Variants in MAN1A1 observed in about 807,000 individuals in gnomAD.
MAN1A1 encodes the protein mannosidase alpha class 1A member 1, also known as mannosyl-oligosaccharide 1,2-alpha-mannosidase IA.
MAN1A1 carries 29 observed loss-of-function variants against 70.8 expected under a neutral mutation model. The ratio of observed to expected loss-of-function variants is 0.41; its 90% CI spans 0.31 to 0.56. The LOEUF (loss-of-function observed/expected upper bound fraction) is 0.56. MAN1A1 is among the 20% of genes least tolerant of loss of function. The pLI is 0.29. For synonymous variants in MAN1A1, 349 were observed against 330.1 expected (o/e 1.06, Z -0.62); for missense variants, 747 against 841.3 (o/e 0.89, Z 1.39).
chr6:119,222,792 G>A (rs964311485), intron 6 of MAN1A1, among the ~76,000 whole-genome samples: 1 of 152,230 alleles, frequency 6.6e-6, no homozygotes, highest in African/African-American at 2.4e-5. Context: ...ATCCTGGGCA[G>A]TGTTTGGGAG....
At chr6:119,233,731 A>ACACCCATCTT (rs1173861536) in intron 6 of MAN1A1, among the ~76,000 whole-genome samples, 5 of 152,232 alleles carry the variant, frequency 3.3e-5, no homozygotes, top group Non-Finnish European at 7.3e-5. Context: ...CTTCTGTGAA[A>ACACCCATCTT]GGTGACACAC....
At chr6:119,309,200 A>T (rs759341887) in intron 2 of MAN1A1, among the ~76,000 whole-genome samples, 1 of 152,230 alleles carries the variant, frequency 6.6e-6, no homozygotes, top group South Asian at 2.1e-4. Context: ...CCACCAGCTG[A>T]TCACTTCTGG....
chr6:119,216,381 C>T (rs1245696216), intron 6 of MAN1A1, among the ~76,000 whole-genome samples: 1 of 152,124 alleles, frequency 6.6e-6, no homozygotes, highest in East Asian at 1.9e-4. Context: ...CGTGGAGGAA[C>T]TGGAGCGATG....
intron 5 of MAN1A1, among the ~76,000 whole-genome samples, chr6:119,263,035 C>A (rs1038205632): frequency 2.6e-5 from 4 of 152,084 alleles, no homozygotes; most frequent in African/African-American, 7.2e-5. Context: ...AGCCTCCCAG[C>A]CTACATCTTT....
chr6:119,257,940 T>C (rs1775505425), intron 5 of MAN1A1, among the ~76,000 whole-genome samples: 1 of 152,168 alleles, frequency 6.6e-6, no homozygotes, highest in South Asian at 2.1e-4. Context: ...CAACATGACA[T>C]TTAGAAAAAT....
At chr6:119,248,830 G>A (rs951059216) in intron 5 of MAN1A1, among the ~76,000 whole-genome samples, 1 of 152,146 alleles carries the variant, frequency 6.6e-6, no homozygotes, top group African/African-American at 2.4e-5. Flanking sequence ...GTTTGAAAAA[G>A]ACATTATCAC....
chr6:119,349,637 G>T lies in MAN1A1; in HGVS notation c.-318C>A, dbSNP rs995769752. 8 of 985,918 alleles carry T rather than the reference G, an allele frequency of 8.1e-6. No homozygotes were observed. In the South Asian group the frequency reaches 3.3e-4, roughly 41 times the overall value. 61.1% of individuals were successfully genotyped at this position (985,918 alleles called of 1,614,324 possible). On this transcript the variant is annotated 5_prime_UTR_variant, in exon 1 of 13. Transcript: ENST00000368468. The stretch of plus-strand genomic sequence containing the variant: ...GACTGCTGCCTCTTTCCTAGGCTGG[G>T]CTGAGCGCGCTGTCCCACGGTCCCG...
chr6:119,248,808 A>G (rs1177036621), intron 5 of MAN1A1, among the ~76,000 whole-genome samples: 1 of 152,238 alleles, frequency 6.6e-6, no homozygotes, highest in Non-Finnish European at 1.5e-5. Flanking sequence ...TTACTAGAGC[A>G]CAGAGAAAGA....
intron 5 of MAN1A1, among the ~76,000 whole-genome samples, chr6:119,251,955 G>A (rs1775328351): frequency 6.6e-6 from 1 of 152,160 alleles, no homozygotes; most frequent in Non-Finnish European, 1.5e-5. Flanking sequence ...AGGAATCTGT[G>A]TAAATGTCCC....
intron 5 of MAN1A1, among the ~76,000 whole-genome samples, chr6:119,263,020 G>C (rs1206945695): frequency 6.6e-6 from 1 of 152,010 alleles, no homozygotes; most frequent in Admixed American, 6.6e-5. Context: ...AGGAGAGATG[G>C]GCTTAGCCTC....
At chr6:119,279,134 T>G (rs1179503054) in intron 5 of MAN1A1, among the ~76,000 whole-genome samples, 1 of 152,146 alleles carries the variant, frequency 6.6e-6, no homozygotes, top group African/African-American at 2.4e-5. Flanking sequence ...AAAAACTCTT[T>G]TAATTCATAC....
chr6:119,206,686 C>G (rs553263221), intron 6 of MAN1A1, among the ~76,000 whole-genome samples: 1 of 152,162 alleles, frequency 6.6e-6, no homozygotes, highest in Non-Finnish European at 1.5e-5. Flanking sequence ...GGATGAATAG[C>G]TACTTTCAAA....
chr6:119,349,816 G>GAGTGACGGCGCGGCCGGGC (rs1773855775), upstream of MAN1A1: 4 of 935,968 alleles, frequency 4.3e-6, no homozygotes, highest in Non-Finnish European at 5.1e-6. Context: ...CGCGGCCGGA[G>GAGTGACGGCGCGGCCGGGC]AGTGACGGCG....
intron 7 of MAN1A1, among the ~76,000 whole-genome samples, 166 bp from the exon 8 acceptor site, chr6:119,201,513 A>G (rs1341990013): frequency 1.3e-5 from 2 of 152,212 alleles, no homozygotes; most frequent in African/African-American, 2.4e-5. Flanking sequence ...GAATATAGTC[A>G]CACTGATTAG....
At chr6:119,238,044 AAC>A (rs1005005075) in intron 6 of MAN1A1, among the ~76,000 whole-genome samples, 21 of 152,186 alleles carry the variant, frequency 1.4e-4, no homozygotes, top group African/African-American at 5.1e-4. Context: ...ATTTTTCTTA[AAC>A]ACAGTCAGCA....
At chr6:119,200,883 G>T (rs146352308) in intron 8 of MAN1A1, among the ~76,000 whole-genome samples, 1 of 152,140 alleles carries the variant, frequency 6.6e-6, no homozygotes, top group South Asian at 2.1e-4. Context: ...ATGTTAGGAA[G>T]CAGAATGGTC....
intron 6 of MAN1A1, among the ~76,000 whole-genome samples, chr6:119,242,946 G>C (rs1396552033): frequency 1.3e-5 from 2 of 152,044 alleles, no homozygotes; most frequent in Non-Finnish European, 2.9e-5. Context: ...AAAGAGGGAA[G>C]TGGGGAACCC....
intron 6 of MAN1A1, among the ~76,000 whole-genome samples, chr6:119,246,971 G>A (rs1427851571): frequency 6.6e-6 from 1 of 152,018 alleles, no homozygotes; most frequent in South Asian, 2.1e-4. Context: ...TGGCCCAGAG[G>A]TGTGAACTCT....
intron 5 of MAN1A1, among the ~76,000 whole-genome samples, chr6:119,277,868 C>T (rs1223899735): frequency 4.6e-5 from 6 of 131,754 alleles, no homozygotes; most frequent in African/African-American, 1.4e-4. Context: ...ACCTGGGAGG[C>T]GGAGCTTGCA....
Sources: allele counts gnomAD v4.1 joint callset (sites outside exome capture counted in the v4.1 genomes callset), GRCh38; gene constraint gnomAD v4.1.1; transcripts MANE v1.5; gene names NCBI Gene and HGNC (gene_info 2026-07-23, HGNC 2026-07-21).